TSC22D2: variants seen among roughly 807,000 people sequenced by gnomAD.
TSC22D2 encodes TSC22 domain family protein 2.
In TSC22D2, 5 loss-of-function variants were observed where a neutral mutation model predicts 50.1. The ratio of observed to expected loss-of-function variants is 0.10; its 90% CI spans 0.05 to 0.21. TSC22D2 has a LOEUF of 0.21. Among genes scored for constraint, TSC22D2 ranks in the 10% least tolerant of loss-of-function variants. The pLI, the probability that TSC22D2 is intolerant of heterozygous loss-of-function variation, is 1.00. For missense variants in TSC22D2, 1,003 were observed against 1,015.5 expected (o/e 0.99, Z 0.17); for synonymous variants, 501 against 450.1 (o/e 1.11, Z -1.43).
chr3:150,430,888 G>C (rs1720355595), intron 1 of TSC22D2, among the ~76,000 whole-genome samples: 1 of 151,962 alleles, frequency 6.6e-6, no homozygotes, highest in East Asian at 1.9e-4. Flanking sequence ...AGAAGAGAAA[G>C]GTCTGAATCT....
intron 1 of TSC22D2, among the ~76,000 whole-genome samples, chr3:150,435,103 GAGT>G (rs1560086566): frequency 6.6e-6 from 1 of 151,866 alleles, no homozygotes; most frequent in East Asian, 1.9e-4. Flanking sequence ...TCAGCCTCCC[GAGT>G]AGCTGGGATT....
intron 1 of TSC22D2, among the ~76,000 whole-genome samples, chr3:150,443,753 C>T (rs943428848): frequency 6.6e-6 from 1 of 152,150 alleles, no homozygotes; most frequent in African/African-American, 2.4e-5. Context: ...TGAGATTAGT[C>T]AGCTGAGAGA....
Position 150,410,435 on chromosome 3 carries a change from C to T in TSC22D2, c.1085C>T (p.Pro362Leu). ...CCCCAGCAGTTCGCGTATCCTCAGC[C>T]TCAGATACCGCCCGGACATTTGCTG... ...QQPQQFAYPQPQIPPGHLLPV... is the reference protein window; with the variant it reads ...QQPQQFAYPQLQIPPGHLLPV... The change falls in exon 1 of 3, where the codon CCT (proline) becomes CTT (leucine). Residue 362 changes from proline (P) to leucine (L), a missense_variant. By Grantham distance (98) the Pro-to-Leu change is moderately conservative. This residue lies in a region of TSC22D2 where 696 missense variants were observed against 647.8 expected (regional missense o/e 1.07). Coordinates refer to ENST00000688009, the MANE Select transcript of TSC22D2 (RefSeq NM_001303264.2). The T allele has an allele frequency of 1.2e-6, 2 of 1,609,596 alleles. No individual in the cohort carries two copies. Among genetic ancestry groups the T allele is most frequent in the African/African-American group, 1.3e-5 (1 of 74,598 alleles).
intron 1 of TSC22D2, among the ~76,000 whole-genome samples, chr3:150,411,541 G>T (rs1161341242): frequency 2.0e-5 from 3 of 152,148 alleles, no homozygotes; most frequent in Non-Finnish European, 4.4e-5. Flanking sequence ...ATGCAACATT[G>T]TTTACTCAAA....
rs955767722 is a variant in TSC22D2 at position 150,411,127 on chromosome 3, G to A, written c.1777G>A (p.Asp593Asn). The stretch of plus-strand genomic sequence containing the variant: ...CCAGCCTTTAGTCGGGCAAGTCGAC[G>A]ATACTAGAAGAAAATCAGAACCCCT... ...QTQPLVGQVD[D>N]TRRKSEPLPQ... Residue 593 changes from aspartate (D) to asparagine (N), a missense_variant, in exon 1 of 3, where the codon GAT (aspartate) becomes AAT (asparagine). By Grantham distance (23) the Asp-to-Asn change is conservative. Around this residue, in one of 6 missense-constraint regions of TSC22D2, gnomAD observed 696 missense variants for 647.8 expected, o/e 1.07. Coordinates refer to ENST00000688009, the MANE Select transcript of TSC22D2 (RefSeq NM_001303264.2). The A allele has an allele frequency of 8.7e-6, 14 of 1,613,990 alleles. No homozygotes were observed. Among genetic ancestry groups the A allele is most frequent in the African/African-American group, 4.0e-5 (3 of 74,914 alleles).
Position 150,431,222 on chromosome 3 carries a change from C to A in TSC22D2, c.1958+19914C>A, listed in dbSNP as rs1720368313. ...CCTGGGTGACAGAGTGAGGCTCTGT[C>A]TCAAAAAAAAAAAAAAAAAAAAAAA... On this transcript the variant is annotated intron_variant, in intron 1 of 2. Transcript: ENST00000688009. 9.9e-5 allele frequency among the ~76,000 whole-genome samples: 4 copies of A among 40,340 alleles called. No homozygotes were observed. In the South Asian group the frequency reaches 2.5e-3, roughly 25 times the overall value. 26.5% of individuals were successfully genotyped at this position (40,340 alleles called of 152,430 possible). A position where few individuals can be genotyped will look rare whatever the true frequency, so the allele number is the denominator to read the frequency against.
rs375548894 is a variant in TSC22D2 at position 150,409,329 on chromosome 3, C to T, written c.-22C>T. On this transcript the variant is annotated 5_prime_UTR_variant, in exon 1 of 3. Transcript: ENST00000688009. This position sits in a 1 kb window ranked among gnomAD's most constrained non-coding sequence, Gnocchi z 7.4. ...GACCCAGAGGAGCCGGCGTGCCTCT[C>T]TGCCCTCCAGCCTTCTTCACCATGT... The T allele has an allele frequency of 6.4e-7, 1 of 1,572,390 alleles. No individual in the cohort carries two copies. The highest frequency in any genetic ancestry group is 8.7e-7 in the Non-Finnish European group (1 of 1,154,022).
Position 150,410,756 on chromosome 3 carries a change from G to A in TSC22D2, c.1406G>A (p.Cys469Tyr). 6.2e-7 allele frequency: 1 copy of A among 1,608,160 alleles called. No homozygotes were observed. Among genetic ancestry groups the A allele is most frequent in the Non-Finnish European group, 8.5e-7 (1 of 1,177,802 alleles). ...ACTGTGGGAGGCGTGGTGCAGCCGTGCCTCGGTCCTGCCGGGGCTGGGCAG... is the reference window on the plus strand; with the variant it reads ...ACTGTGGGAGGCGTGGTGCAGCCGTACCTCGGTCCTGCCGGGGCTGGGCAG... ...PATVGGVVQP[C>Y]LGPAGAGQPQ... Residue 469 changes from cysteine to tyrosine, a missense_variant, in exon 1 of 3, where the codon TGC (cysteine) becomes TAC (tyrosine). Physicochemically the swap from Cys to Tyr is radical, Grantham distance 194. Around this residue, in one of 6 missense-constraint regions of TSC22D2, gnomAD observed 696 missense variants for 647.8 expected, o/e 1.07. Coordinates refer to ENST00000688009, the MANE Select transcript of TSC22D2 (RefSeq NM_001303264.2).
At position 150,409,745 on chromosome 3, in the gene TSC22D2, G is replaced by C. The variant is rs781616768; in HGVS notation, c.395G>C (p.Gly132Ala). 3.1e-6 allele frequency: 5 copies of C among 1,601,562 alleles called. No homozygotes were observed. Among genetic ancestry groups the C allele is most frequent in the South Asian group, 2.2e-5 (2 of 90,940 alleles). Residue 132 changes from glycine to alanine, a missense_variant, in exon 1 of 3, where the codon GGA (glycine) becomes GCA (alanine). By Grantham distance (60) the Gly-to-Ala change is moderately conservative. Transcript: ENST00000688009. The surrounding 1 kb of genome is among the most constrained non-coding windows in gnomAD (Gnocchi z 7.4). ...GCTGCCACTTCGGCCCCCGCCCCCG[G>C]AGCACCCGGCGGCCCCCAGCTCGCG... ...AAAATSAPAP[G>A]APGGPQLAGS...
At chr3:150,438,067 A>G (rs1311676565) in intron 1 of TSC22D2, 1 of 220,262 alleles carries the variant, frequency 4.5e-6, no homozygotes, top group African/African-American at 2.3e-5. Context: ...CAGATCAAAT[A>G]TGAAATTTAT....
At chr3:150,446,077 G>A (rs1162230797) in intron 1 of TSC22D2, among the ~76,000 whole-genome samples, 2 of 123,980 alleles carry the variant, frequency 1.6e-5, no homozygotes, top group African/African-American at 6.3e-5. Context: ...CTGGGCAACA[G>A]ATCGAGACTC....
chr3:150,426,777 A>T (rs1720205636), intron 1 of TSC22D2, among the ~76,000 whole-genome samples: 1 of 152,142 alleles, frequency 6.6e-6, no homozygotes, highest in Admixed American at 6.5e-5. Flanking sequence ...TGGGTTATTA[A>T]CTTAAAATGA....
chr3:150,421,155 A>G (rs1719994011), intron 1 of TSC22D2, among the ~76,000 whole-genome samples: 1 of 152,248 alleles, frequency 6.6e-6, no homozygotes, highest in Admixed American at 6.5e-5. Context: ...GTACTCTTTA[A>G]TGAATTTTGA....
intron 1 of TSC22D2, among the ~76,000 whole-genome samples, chr3:150,449,767 G>A (rs1351453527): frequency 6.6e-6 from 1 of 152,032 alleles, no homozygotes; most frequent in Non-Finnish European, 1.5e-5. Flanking sequence ...AATAATTAAG[G>A]GGAGGTCGGG....
At chr3:150,441,124 C>A (rs561423220) in intron 1 of TSC22D2, among the ~76,000 whole-genome samples, 1 of 150,982 alleles carries the variant, frequency 6.6e-6, no homozygotes, top group Non-Finnish European at 1.5e-5. Context: ...AGTATGTTTG[C>A]CTTTTCAAAA....
Position 150,410,434 on chromosome 3 carries a change from C to G in TSC22D2, c.1084C>G (p.Pro362Ala), listed in dbSNP as rs769513395. The G allele has an allele frequency of 6.2e-7, 1 of 1,609,530 alleles. No individual in the cohort carries two copies. The highest frequency in any genetic ancestry group is 2.2e-5 in the East Asian group (1 of 44,600). ...GCCCCAGCAGTTCGCGTATCCTCAG[C>G]CTCAGATACCGCCCGGACATTTGCT... is the stretch of plus-strand genomic sequence containing the variant. ...QQPQQFAYPQ[P>A]QIPPGHLLPV... Residue 362 changes from proline (P) to alanine (A), a missense_variant, in exon 1 of 3, where the codon CCT becomes GCT. Physicochemically the swap from Pro to Ala is conservative, Grantham distance 27 (BLOSUM62 -1). Coordinates refer to ENST00000688009, the MANE Select transcript of TSC22D2 (RefSeq NM_001303264.2).
In TSC22D2 at chr3:150,459,840, AAAAAAAGT is replaced by A. The variant is rs1250446896; in HGVS notation, c.*1205_*1212del. The A allele has an allele frequency of 6.6e-6, 1 of 151,846 alleles. No individual in the cohort carries two copies. Among genetic ancestry groups the A allele is most frequent in the Non-Finnish European group, 1.5e-5 (1 of 67,876 alleles). 9.4% of individuals were successfully genotyped at this position (151,846 alleles called of 1,614,324 possible). A position where few individuals can be genotyped will look rare whatever the true frequency, so the allele number is the denominator to read the frequency against. On this transcript the variant is annotated 3_prime_UTR_variant, in exon 3 of 3. Transcript: ENST00000688009. ...TACACTAGTTGTAAAAAAAAAAAAA[AAAAAAAGT>A]GAGCCATCTTTTGTTCATTTAAAAT...
chr3:150,457,483 T>C (rs1328422504), intron 2 of TSC22D2, among the ~76,000 whole-genome samples: 1 of 152,138 alleles, frequency 6.6e-6, no homozygotes, highest in African/African-American at 2.4e-5. Context: ...GGAGGTCTGA[T>C]TGAAGTAGAC....
At chr3:150,432,291 ATTT>A (rs1411621982) in intron 1 of TSC22D2, among the ~76,000 whole-genome samples, 1 of 152,196 alleles carries the variant, frequency 6.6e-6, no homozygotes, top group Non-Finnish European at 1.5e-5. Context: ...TATTTAATAA[ATTT>A]CTAAACCTAA....
Sources: allele counts gnomAD v4.1 joint callset (sites outside exome capture counted in the v4.1 genomes callset), GRCh38; gene constraint gnomAD v4.1.1; regional missense constraint gnomAD v4.1.1; non-coding constraint Gnocchi (gnomAD v3.1); transcripts MANE v1.5; gene names NCBI Gene and HGNC (gene_info 2026-07-23, HGNC 2026-07-21).